CHTF18: variants seen among roughly 807,000 people sequenced by gnomAD.
CHTF18 encodes chromosome transmission fidelity protein 18 homolog.
In CHTF18, 151 loss-of-function variants were observed where a neutral mutation model predicts 113.4. The observed-to-expected ratio is 1.33, with a 90% CI of 1.17 to 1.52. The LOEUF (loss-of-function observed/expected upper bound fraction) is 1.52. CHTF18 is among the 40% of genes most tolerant of loss of function. CHTF18 has a pLI of 0.00. For missense variants in CHTF18, 1,982 were observed against 1,381.6 expected, an observed-to-expected ratio of 1.43 and a Z score of -6.89; for synonymous variants, 916 against 598.8, an observed-to-expected ratio of 1.53 and a Z score of -7.74.
In CHTF18 at chr16:797,972, C is replaced by T. The variant is rs17851635; in HGVS notation, c.2925C>T (p.Leu975=). ...VRRSLYIRDL[L] is the part of the protein sequence containing the mutation. ...GCAGCCTGTACATCAGGGACTTGCT[C>T]TAGTTCTCTGAGCCGCGGACATGCC... The change falls in exon 22 of 22, where the codon CTC becomes CTT. Residue 975 remains leucine (L), a synonymous_variant. Transcript: ENST00000262315. 53 of 1,610,470 alleles carry T rather than the reference C, an allele frequency of 3.3e-5. No individual in the cohort carries two copies. The South Asian group carries it at 4.7e-4, about 14-fold the overall frequency.
Position 790,462 on chromosome 16 carries a change from C to T in CHTF18, c.752+63C>T, listed in dbSNP as rs866663880. 4.8e-5 allele frequency: 77 copies of T among 1,609,916 alleles called. No individual in the cohort carries two copies. In the Middle Eastern group the frequency reaches 8.2e-4, roughly 17 times the overall value. ...TGGCTCTTGCACCAACTCCTAGCTC[C>T]TAGCGTGTGGGTTGGCATGGTCCCT... On this transcript the variant is annotated intron_variant, in intron 6 of 21. Coordinates refer to ENST00000262315, the MANE Select transcript of CHTF18 (RefSeq NM_022092.3).
In CHTF18 at chr16:791,178, G is replaced by C; in HGVS notation, c.912G>C (p.Leu304=). ...TCCCGCAGTTCACCAACCGCTGCCT[G>C]CTCAAGTGGCTGAAGTTGTGGGACC... The part of the protein sequence containing the change: ...LLSDDFTNRC[L]LKWLKLWDLV... The change falls in exon 8 of 22, where the codon CTG becomes CTC. Residue 304 remains leucine, a synonymous_variant. Transcript: ENST00000262315. 6.2e-7 allele frequency: 1 copy of C among 1,611,188 alleles called. No homozygotes were observed. The highest frequency in any genetic ancestry group is 8.5e-7 in the Non-Finnish European group (1 of 1,179,366).
chr16:789,913 G>T, intron 4 of CHTF18, 198 bp downstream of exon 4: 3 of 1,460,130 alleles, frequency 2.1e-6, no homozygotes, highest in South Asian at 1.3e-5. Context: ...CAGCCTGTTT[G>T]TATGGCCTCG....
chr16:795,693 C>A lies in CHTF18; in HGVS notation c.2184C>A (p.Asn728Lys). ...CTCACCCCCTGCCCCAGGCCCAGAA[C>A]CGGATGAGCCAGATGAGGAACCTGA... ...TFPSSQQEAQ[N>K]RMSQMRNLIQ... Residue 728 changes from asparagine to lysine, a missense_variant, in exon 17 of 22, where the codon AAC (asparagine) becomes AAA (lysine). Transcript: ENST00000262315. The A allele has an allele frequency of 6.3e-7, 1 of 1,597,060 alleles. No individual in the cohort carries two copies. The highest frequency in any genetic ancestry group is 8.5e-7 in the Non-Finnish European group (1 of 1,175,104).
chr16:790,068 G>A (rs1479519603), intron 4 of CHTF18, 109 bp from the exon 5 acceptor site: 2 of 1,537,214 alleles, frequency 1.3e-6, no homozygotes, highest in East Asian at 4.9e-5. Context: ...CCCCTCACTG[G>A]CCAGCTTACT....
At position 793,050 on chromosome 16, in the gene CHTF18, A is replaced by G. The variant is rs956591526; in HGVS notation, c.1657A>G (p.Ile553Val). 4.0e-6 allele frequency: 6 copies of G among 1,481,670 alleles called. No individual in the cohort carries two copies. The highest frequency in any genetic ancestry group is 4.5e-6 in the Non-Finnish European group (5 of 1,099,556). The allele number at this position is 1,481,670 out of a possible 1,614,324, so 91.8% of individuals were successfully genotyped here. The change falls in exon 13 of 22, where the codon ATC (isoleucine) becomes GTC (valine). Residue 553 changes from isoleucine (I) to valine (V), a missense_variant. Coordinates refer to ENST00000262315, the MANE Select transcript of CHTF18 (RefSeq NM_022092.3). ...AACTGACAATGACATCCGGGCCTGC[A>G]TCAACACCCTGCAGGTGGGCGGCCG... ...EKTDNDIRAC[I>V]NTLQFLYSRG...
At position 794,738 on chromosome 16, in the gene CHTF18, CAG is replaced by C. The variant is rs754727122; in HGVS notation, c.1951-393_1951-392del. 1.4e-3 allele frequency: 365 copies of C among 259,224 alleles called. 1 individual carries two copies. Among genetic ancestry groups the C allele is most frequent in the African/African-American group, 6.8e-3 (307 of 45,156 alleles). The allele number at this position is 259,224 out of a possible 1,614,324, so 16.1% of individuals were successfully genotyped here. ...GGCGGGGATAGACTCCCCCACGGAA[CAG>C]GGGTGGGGACGCCACGGCCTGGACT... On this transcript the variant is annotated intron_variant, in intron 15 of 21. Transcript: ENST00000262315.
intron 4 of CHTF18, chr16:789,961 C>G: frequency 1.3e-6 from 2 of 1,533,680 alleles, no homozygotes; most frequent in Non-Finnish European, 1.7e-6. Context: ...CCTGCTTTTG[C>G]CCTTTCCTCC....
intron 8 of CHTF18, 92 bp from the exon 9 acceptor site, chr16:791,759 C>T: frequency 6.7e-7 from 1 of 1,495,632 alleles, no homozygotes; most frequent in Non-Finnish European, 8.9e-7. Flanking sequence ...GAGCGCCCAG[C>T]CTGTGGGACA....
In CHTF18 at chr16:790,159, G is replaced by A. The variant is rs547840727; in HGVS notation, c.607-18G>A. 14 of 1,578,844 alleles carry A rather than the reference G, an allele frequency of 8.9e-6. No homozygotes were observed. The highest frequency in any genetic ancestry group is 1.0e-5 in the Non-Finnish European group (12 of 1,163,962). On this transcript the variant is annotated intron_variant, in intron 4 of 21. Coordinates refer to ENST00000262315, the MANE Select transcript of CHTF18 (RefSeq NM_022092.3). ...ACCTAGGAGGGGCCCAGAGGCAATT[G>A]TCCTCCCTTCCCCACAGGGCTCTCT...
Position 791,217 on chromosome 16 carries a change from C to A in CHTF18, c.951C>A (p.Gly317=). Residue 317 remains glycine, a synonymous_variant, in exon 8 of 22, where the codon GGC becomes GGA. Coordinates refer to ENST00000262315, the MANE Select transcript of CHTF18 (RefSeq NM_022092.3). ...WLKLWDLVVF[G]HERPSRKPRP... is the part of the protein sequence containing the mutation. ...AGTTGTGGGACCTGGTGGTGTTTGG[C>A]CACGAGAGGCCTTCCCGGAAGCCCA... 1 of 1,611,184 alleles carries A rather than the reference C, an allele frequency of 6.2e-7. No individual in the cohort carries two copies. The highest frequency in any genetic ancestry group is 2.2e-5 in the East Asian group (1 of 44,828).
Position 795,946 on chromosome 16 carries a change from G to A in CHTF18, c.2326-1G>A, listed in dbSNP as rs981633776. 1.9e-6 allele frequency: 3 copies of A among 1,609,838 alleles called. No homozygotes were observed. The highest frequency in any genetic ancestry group is 2.7e-5 in the African/African-American group (2 of 74,840). ...CCTGTCTGCTGCCTCCCATCCCCTAGGTGAGCACACAGCTGTACAGCACCC... is the reference window on the plus strand; with the variant it reads ...CCTGTCTGCTGCCTCCCATCCCCTAAGTGAGCACACAGCTGTACAGCACCC... On this transcript the variant is annotated splice_acceptor_variant, in intron 17 of 21. Coordinates refer to ENST00000262315, the MANE Select transcript of CHTF18 (RefSeq NM_022092.3). LOFTEE classifies it high-confidence loss of function.
At chr16:793,909 C>T in intron 14 of CHTF18, 145 bp from the exon 15 acceptor site, 3 of 902,682 alleles carry the variant, frequency 3.3e-6, no homozygotes, top group Non-Finnish European at 5.0e-6. Flanking sequence ...TTGGCTGTCT[C>T]CACCTGAGCG....
At chr16:789,490 T>C in intron 3 of CHTF18, 57 bp from the exon 4 acceptor site, 5 of 1,549,992 alleles carry the variant, frequency 3.2e-6, no homozygotes, top group Non-Finnish European at 3.5e-6. Context: ...CGGACACCCA[T>C]ATCCAAGGGT....
rs767123631 is a variant in CHTF18 at position 788,672 on chromosome 16, G to A, written c.-13G>A. On this transcript the variant is annotated 5_prime_UTR_variant, in exon 1 of 22. Transcript: ENST00000262315. ...CGGGAGGTTCGGAGCGGGAGCTCGG[G>A]CTCGCGGACGGTATGGAGGACTACG... The A allele has an allele frequency of 2.6e-6, 4 of 1,526,876 alleles. No homozygotes were observed. Among genetic ancestry groups the A allele is most frequent in the East Asian group, 2.8e-5 (1 of 35,834 alleles). The allele number at this position is 1,526,876 out of a possible 1,614,324, so 94.6% of individuals were successfully genotyped here.
At chr16:790,005 A>C (rs1197707114) in intron 4 of CHTF18, 172 bp from the exon 5 acceptor site, 8 of 1,535,188 alleles carry the variant, frequency 5.2e-6, no homozygotes, top group Non-Finnish European at 7.0e-6. Context: ...TTCCCTTTGC[A>C]GCTGACCCAT....
rs1335252297 is a variant in CHTF18 at position 797,970 on chromosome 16, C to T, written c.2923C>T (p.Leu975Phe). The T allele has an allele frequency of 6.2e-7, 1 of 1,610,400 alleles. No homozygotes were observed. Among genetic ancestry groups the T allele is most frequent in the Non-Finnish European group, 8.5e-7 (1 of 1,178,456 alleles). ...GCGCAGCCTGTACATCAGGGACTTG[C>T]TCTAGTTCTCTGAGCCGCGGACATG... is the stretch of plus-strand genomic sequence containing the variant. Reference protein sequence around the residue: ...VRRSLYIRDLL With the variant: ...VRRSLYIRDLF Residue 975 changes from leucine (L) to phenylalanine (F), a missense_variant, in exon 22 of 22, where the codon CTC (leucine) becomes TTC (phenylalanine). Transcript: ENST00000262315.
At chr16:796,181 C>A in intron 18 of CHTF18, 104 bp downstream of exon 18, 1 of 1,434,904 alleles carries the variant, frequency 7.0e-7, no homozygotes. Context: ...ACGGTCATGG[C>A]GTCTGGGGGT....
Position 795,957 on chromosome 16 carries a change from A to G in CHTF18, c.2336A>G (p.Gln779Arg). 1.2e-6 allele frequency: 2 copies of G among 1,609,666 alleles called. No individual in the cohort carries two copies. The highest frequency in any genetic ancestry group is 1.7e-6 in the Non-Finnish European group (2 of 1,178,652). The change falls in exon 18 of 22, where the codon CAG becomes CGG. Residue 779 changes from glutamine to arginine, a missense_variant. Transcript: ENST00000262315. The part of the protein sequence containing the change: ...LAPKLRPVST[Q>R]LYSTREKQQL... ...CCTCCCATCCCCTAGGTGAGCACAC[A>G]GCTGTACAGCACCCGTGAAAAGCAA...
Sources: gnomAD v4.1 joint callset for allele counts on GRCh38, gnomAD v4.1.1 for gene constraint, MANE v1.5 for transcripts, NCBI Gene and HGNC (gene_info 2026-07-23, HGNC 2026-07-21) for gene names.